Variants in EFCAB6 observed in about 807,000 individuals in gnomAD.
EFCAB6 encodes EF-hand calcium-binding domain-containing protein 6.
EFCAB6 carries 156 observed loss-of-function variants against 169.8 expected under a neutral mutation model. The ratio of observed to expected loss-of-function variants is 0.92; its 90% CI spans 0.81 to 1.05. The LOEUF (loss-of-function observed/expected upper bound fraction) is 1.05, where lower values mean the gene tolerates loss of function less well. Ranked by LOEUF, EFCAB6 falls within the 50% of genes least tolerant of loss-of-function variation. The pLI is 0.00. For missense variants in EFCAB6, 1,800 were observed against 1,829.1 expected (o/e 0.98, Z 0.29); for synonymous variants, 698 against 676.4 (o/e 1.03, Z -0.50).
At chr22:43,677,876 G>T in intron 13 of EFCAB6, 120 bp downstream of exon 13, 1 of 1,029,464 alleles carries the variant, frequency 9.7e-7, no homozygotes, top group Non-Finnish European at 1.4e-6. Flanking sequence ...AAATGATTGA[G>T]TTGAAAACTG....
At chr22:43,591,408 G>C (rs1450575212) in intron 23 of EFCAB6, among the ~76,000 whole-genome samples, 1 of 147,968 alleles carries the variant, frequency 6.8e-6, no homozygotes, top group African/African-American at 2.5e-5. Flanking sequence ...AATGAGCGGA[G>C]ATCATGCCAC....
At chr22:43,543,632 C>T (rs540708745) in intron 27 of EFCAB6, among the ~76,000 whole-genome samples, 7 of 152,264 alleles carry the variant, frequency 4.6e-5, no homozygotes, top group South Asian at 2.1e-4. Context: ...AAGCAGAGGT[C>T]TGAGGGGATG....
chr22:43,547,612 A>G (rs191446741), intron 27 of EFCAB6, among the ~76,000 whole-genome samples: 1 of 152,160 alleles, frequency 6.6e-6, no homozygotes, highest in East Asian at 1.9e-4. Flanking sequence ...ACAAACCATA[A>G]AAATAAGCTG....
intron 7 of EFCAB6, 64 bp from the exon 8 acceptor site, chr22:43,731,875 T>C: frequency 1.0e-6 from 1 of 988,228 alleles, no homozygotes. Context: ...AGTTTGTTAC[T>C]AAGGTATCCT....
chr22:43,629,651 G>C (rs1479642168), intron 19 of EFCAB6, among the ~76,000 whole-genome samples: 3 of 152,184 alleles, frequency 2.0e-5, no homozygotes, highest in Non-Finnish European at 4.4e-5. Flanking sequence ...TGAGGAGAGA[G>C]GGGAATGTGC....
At position 43,772,194 on chromosome 22, in the gene EFCAB6, G is replaced by A. The variant is rs1436334409; in HGVS notation, c.351+698C>T. Among the ~76,000 whole-genome samples the A allele has an allele frequency of 3.0e-4, 45 of 152,166 alleles. 1 individual carries two copies. The highest frequency in any genetic ancestry group is 2.9e-3 in the Admixed American group (45 of 15,274). Reference sequence around the variant, plus strand: ...GGGCTGGGAGCTCCTCAAGGGCAGGGCCTGAGTCTGACTTATCTGCACCGC... The same window carrying A: ...GGGCTGGGAGCTCCTCAAGGGCAGGACCTGAGTCTGACTTATCTGCACCGC... On this transcript the variant is annotated intron_variant, in intron 4 of 31. Coordinates refer to ENST00000262726, the MANE Select transcript of EFCAB6 (RefSeq NM_022785.4).
rs1232180717 is a variant in EFCAB6 at position 43,684,670 on chromosome 22, A to G, written c.1143-815T>C. On this transcript the variant is annotated intron_variant, in intron 11 of 31. Coordinates refer to ENST00000262726, the MANE Select transcript of EFCAB6 (RefSeq NM_022785.4). ...AGCTTCTTCCGTTTGTGCAGAAACA[A>G]TAAGCCTACGCCTACCACCACTTTT... is the stretch of plus-strand genomic sequence containing the variant. Among the ~76,000 whole-genome samples, 3 of 152,222 alleles carry G rather than the reference A, an allele frequency of 2.0e-5. No individual in the cohort carries two copies. The East Asian group carries it at 5.8e-4, about 29-fold the overall frequency.
In EFCAB6 at chr22:43,735,830, T is replaced by G. The variant is rs1603298670; in HGVS notation, c.644+27A>C. The G allele has an allele frequency of 5.0e-6, 8 of 1,609,974 alleles. No individual in the cohort carries two copies. In the East Asian group the frequency reaches 1.8e-4, roughly 36 times the overall value. ...ATTGGTTAAAAGTTCTACTGAGCAA[T>G]CTCTCACCGTGCCTTCATTTGCTTA... On this transcript the variant is annotated intron_variant, in intron 7 of 31. Transcript: ENST00000262726.
intron 3 of EFCAB6, among the ~76,000 whole-genome samples, chr22:43,779,308 T>C (rs1265145710): frequency 2.0e-5 from 3 of 152,236 alleles, no homozygotes; most frequent in African/African-American, 7.2e-5. Flanking sequence ...TTTATTTGCT[T>C]ATTTGATGTA....
At chr22:43,677,886 G>A in intron 13 of EFCAB6, 110 bp downstream of exon 13, 1 of 1,145,076 alleles carries the variant, frequency 8.7e-7, no homozygotes, top group Admixed American at 2.6e-5. Flanking sequence ...GTTGAAAACT[G>A]TAAAGTCGTT....
At chr22:43,754,634 C>T (rs894570510) in intron 6 of EFCAB6, among the ~76,000 whole-genome samples, 3 of 152,158 alleles carry the variant, frequency 2.0e-5, no homozygotes, top group African/African-American at 7.2e-5. Context: ...CAATGGAGTT[C>T]CATTTCAGAT....
intron 10 of EFCAB6, among the ~76,000 whole-genome samples, chr22:43,698,651 A>G (rs1316868547): frequency 6.6e-6 from 1 of 152,208 alleles, no homozygotes; most frequent in Non-Finnish European, 1.5e-5. Flanking sequence ...CTGTGAAGTT[A>G]GGGTGCTGTG....
chr22:43,731,594 T>C (rs1400353213), intron 8 of EFCAB6, 105 bp downstream of exon 8: 7 of 606,764 alleles, frequency 1.2e-5, no homozygotes, highest in Admixed American at 4.0e-5. Context: ...GTAGATAATG[T>C]ATTTCCTATA....
chr22:43,765,453 G>A (rs2061297876), intron 4 of EFCAB6, 60 bp from the exon 5 acceptor site: 1 of 1,317,580 alleles, frequency 7.6e-7, no homozygotes, highest in East Asian at 2.4e-5. Flanking sequence ...GCAATAGACG[G>A]TAAAGCAGAT....
chr22:43,561,578 C>T (rs958370633), intron 26 of EFCAB6, among the ~76,000 whole-genome samples: 7 of 152,054 alleles, frequency 4.6e-5, no homozygotes, highest in Admixed American at 1.3e-4. Flanking sequence ...GGTGGGAGAG[C>T]GCCTGGGTTT....
intron 17 of EFCAB6, among the ~76,000 whole-genome samples, chr22:43,666,781 G>T (rs1226712873): frequency 1.3e-5 from 2 of 149,206 alleles, no homozygotes; most frequent in Non-Finnish European, 3.0e-5. Context: ...GGGGCCGAGT[G>T]GCTTTGTACT....
chr22:43,766,247 G>A (rs999465324), intron 4 of EFCAB6, among the ~76,000 whole-genome samples: 1 of 152,056 alleles, frequency 6.6e-6, no homozygotes, highest in Admixed American at 6.6e-5. Context: ...TGGCCAGGAT[G>A]GTCTTGAACT....
chr22:43,533,650 G>C (rs1380119101), intron 30 of EFCAB6: 1 of 152,234 alleles, frequency 6.6e-6, no homozygotes, highest in African/African-American at 2.4e-5. Context: ...TCCCAGGTGC[G>C]AGCCCCCAGC....
intron 2 of EFCAB6, among the ~76,000 whole-genome samples, chr22:43,801,893 T>C (rs2062734504): frequency 6.6e-6 from 1 of 152,190 alleles, no homozygotes; most frequent in Non-Finnish European, 1.5e-5. Flanking sequence ...GTTCATTGAC[T>C]CGGTTCTCCA....
Sources: allele counts gnomAD v4.1 joint callset (sites outside exome capture counted in the v4.1 genomes callset), GRCh38; gene constraint gnomAD v4.1.1; transcripts MANE v1.5; gene names NCBI Gene and HGNC (gene_info 2026-07-23, HGNC 2026-07-21).